Variants in RERE observed in about 807,000 individuals in gnomAD.
RERE encodes arginine-glutamic acid dipeptide repeats protein.
In RERE, 40 loss-of-function variants were observed where a neutral mutation model predicts 146.1. That is an observed-to-expected ratio of 0.27 (90% CI 0.21 to 0.36). The LOEUF is 0.36. Among genes scored for constraint, RERE ranks in the 10% least tolerant of loss-of-function variants. The probability of loss-of-function intolerance (pLI) is 1.00; values close to 1 mark genes in which losing one functional copy is unlikely to be tolerated. For missense variants in RERE, 1,933 were observed against 2,138.7 expected (o/e 0.90, Z 1.90); for synonymous variants, 1,003 against 866.0 (o/e 1.16, Z -2.78).
intron 12 of RERE, among the ~76,000 whole-genome samples, chr1:8,399,741 G>A (rs1314158073): frequency 1.3e-5 from 2 of 151,574 alleles, no homozygotes; most frequent in Non-Finnish European, 2.9e-5. Context: ...TAACATCGGC[G>A]CATCATCTCT....
At chr1:8,544,074 T>C (rs1645830386) in intron 6 of RERE, among the ~76,000 whole-genome samples, 1 of 152,216 alleles carries the variant, frequency 6.6e-6, no homozygotes, top group African/African-American at 2.4e-5. Context: ...TGACACTAGC[T>C]TTACAGACAA....
intron 1 of RERE, among the ~76,000 whole-genome samples, chr1:8,737,249 G>T (rs538943728): frequency 6.6e-6 from 1 of 152,282 alleles, no homozygotes; most frequent in Non-Finnish European, 1.5e-5. Flanking sequence ...ACCAAATTCA[G>T]AAGCTTTAGA....
chr1:8,356,354 G>C lies in RERE; in HGVS notation c.4340-108C>G, dbSNP rs1349656691. The C allele has an allele frequency of 7.8e-7, 1 of 1,282,518 alleles. No homozygotes were observed. The highest frequency in any genetic ancestry group is 3.2e-5 in the East Asian group (1 of 31,708). 79.4% of individuals were successfully genotyped at this position (1,282,518 alleles called of 1,614,324 possible). ...TCCTCCTCACCCAGGATGGCTCCTG[G>C]TCACCAGGGCTGGATGCACCACCTG... On this transcript the variant is annotated intron_variant, in intron 20 of 22. Coordinates refer to ENST00000400908, the MANE Select transcript of RERE (RefSeq NM_001042681.2). The surrounding 1 kb of genome is among the most constrained non-coding windows in gnomAD (Gnocchi z 5.2).
intron 4 of RERE, among the ~76,000 whole-genome samples, chr1:8,604,628 G>A (rs1430734805): frequency 7.5e-6 from 1 of 133,414 alleles, no homozygotes; most frequent in Non-Finnish European, 1.6e-5. Flanking sequence ...GAGGGAGGAA[G>A]GAAGGAAGGA....
In RERE at chr1:8,770,744, T is replaced by C. The variant is rs12025941; in HGVS notation, c.-145+46416A>G. Among the ~76,000 whole-genome samples, 252 of 152,348 alleles carry C rather than the reference T, an allele frequency of 1.7e-3. 6 individuals carry two copies. The East Asian group carries it at 0.04, about 24-fold the overall frequency. On this transcript the variant is annotated intron_variant, in intron 1 of 22. Transcript: ENST00000400908. ...TGGCAATTTCTACTAAAATCTAAAA[T>C]ATGCCTAACTTTTGAATCAGTAACT...
chr1:8,612,467 T>C (rs149504818), intron 4 of RERE, among the ~76,000 whole-genome samples: 3 of 152,348 alleles, frequency 2.0e-5, no homozygotes, highest in African/African-American at 7.2e-5. Flanking sequence ...CTACAGAATC[T>C]CTTACACCTA....
intron 1 of RERE, among the ~76,000 whole-genome samples, chr1:8,672,058 C>G (rs1638731019): frequency 6.6e-6 from 1 of 152,148 alleles, no homozygotes; most frequent in Non-Finnish European, 1.5e-5. Flanking sequence ...AGGATCATCA[C>G]TACAGGCCAG....
chr1:8,795,919 T>C (rs1053858244), intron 1 of RERE, among the ~76,000 whole-genome samples: 1 of 148,262 alleles, frequency 6.7e-6, no homozygotes, highest in African/African-American at 2.5e-5. Flanking sequence ...GAGACAGAGG[T>C]TGTGGTGAGC....
chr1:8,666,492 T>C (rs148359630), intron 1 of RERE, among the ~76,000 whole-genome samples: 19 of 152,356 alleles, frequency 1.2e-4, no homozygotes, highest in African/African-American at 4.3e-4. Context: ...ACCCTACAGC[T>C]GGGCGACTTG....
intron 1 of RERE, among the ~76,000 whole-genome samples, chr1:8,674,353 TA>T (rs202245231): frequency 2.6e-5 from 4 of 152,076 alleles, no homozygotes; most frequent in Non-Finnish European, 5.9e-5. Flanking sequence ...TTTTCAGGAT[TA>T]AAAAAACAAA....
intron 12 of RERE, among the ~76,000 whole-genome samples, chr1:8,382,838 G>A (rs897455854): frequency 1.3e-5 from 2 of 151,996 alleles, no homozygotes; most frequent in Non-Finnish European, 2.9e-5. Flanking sequence ...GGGCTGCCTC[G>A]CCACGAGCTC....
In RERE at chr1:8,557,620, A is replaced by G. The variant is rs1646023024; in HGVS notation, c.523-97T>C. On this transcript the variant is annotated intron_variant, in intron 4 of 22. Transcript: ENST00000400908. ...CAAAAGCCCCTGTAAACGGGTGGAC[A>G]CGTAGATAGGGAGAGACACAATTAC... 1.2e-5 allele frequency: 9 copies of G among 752,844 alleles called. No homozygotes were observed. The Admixed American group carries it at 1.8e-4, about 15-fold the overall frequency. 46.6% of individuals were successfully genotyped at this position (752,844 alleles called of 1,614,324 possible). A position where few individuals can be genotyped will look rare whatever the true frequency, so the allele number is the denominator to read the frequency against.
intron 10 of RERE, among the ~76,000 whole-genome samples, chr1:8,482,681 C>CAAAAAAAAAAAAAAAAAAAAA (rs35501735): frequency 2.0e-5 from 1 of 51,212 alleles, no homozygotes; most frequent in African/African-American, 5.1e-5. Context: ...GATTCTGTTG[C>CAAAAAAAAAAAAAAAAAAAAA]AAAAAAAAAA....
chr1:8,805,008 G>GTTT lies in RERE; in HGVS notation c.-145+12149_-145+12151dup, dbSNP rs1186832596. Among the ~76,000 whole-genome samples the GTTT allele has an allele frequency of 2.5e-3, 197 of 77,820 alleles. 9 individuals carry two copies. Among genetic ancestry groups the GTTT allele is most frequent in the Middle Eastern group, 7.5e-3 (1 of 134 alleles). 51.1% of individuals were successfully genotyped at this position (77,820 alleles called of 152,430 possible). A position where few individuals can be genotyped will look rare whatever the true frequency, so the allele number is the denominator to read the frequency against. ...TTTTTTTTGTTTTGTTTTGTTTTTG[G>GTTT]TTTTTTTTTTTTTTTTTTTTGAGAC... On this transcript the variant is annotated intron_variant, in intron 1 of 22. Transcript: ENST00000400908.
intron 1 of RERE, among the ~76,000 whole-genome samples, chr1:8,677,437 AAAAG>A (rs1311202310): frequency 1.6e-4 from 24 of 151,076 alleles, no homozygotes; most frequent in African/African-American, 1.5e-4. Context: ...AAAAAAAAAA[AAAAG>A]AAAGAAAGAA....
intron 1 of RERE, among the ~76,000 whole-genome samples, chr1:8,700,077 C>T (rs1446310592): frequency 6.6e-6 from 1 of 152,106 alleles, no homozygotes; most frequent in Non-Finnish European, 1.5e-5. Context: ...GAGGCCGAGG[C>T]GAGTGGATCA....
Position 8,508,737 on chromosome 1 carries a change from A to G in RERE, c.831-62T>C, listed in dbSNP as rs1169948386. The G allele has an allele frequency of 2.2e-6, 3 of 1,338,224 alleles. No homozygotes were observed. In the East Asian group the frequency reaches 6.9e-5, roughly 31 times the overall value. 82.9% of individuals were successfully genotyped at this position (1,338,224 alleles called of 1,614,324 possible). The stretch of plus-strand genomic sequence containing the variant: ...ACAGTTTTGACATAAACATTCACAC[A>G]TTTTTCAAAAAAAGTAATTCTCTTC... On this transcript the variant is annotated intron_variant, in intron 7 of 22. Coordinates refer to ENST00000400908, the MANE Select transcript of RERE (RefSeq NM_001042681.2).
intron 12 of RERE, among the ~76,000 whole-genome samples, chr1:8,414,526 A>T (rs921910643): frequency 1.3e-5 from 2 of 152,184 alleles, no homozygotes. Flanking sequence ...ACTGCACTCC[A>T]GCCTGGGCAA....
chr1:8,797,384 A>C (rs891336414), intron 1 of RERE, among the ~76,000 whole-genome samples: 1 of 152,156 alleles, frequency 6.6e-6, no homozygotes, highest in Non-Finnish European at 1.5e-5. Flanking sequence ...CCTAAAAAAA[A>C]AAAAAATCAG....
Sources: gnomAD v4.1 joint callset for allele counts (sites outside exome capture counted in the v4.1 genomes callset) on GRCh38, gnomAD v4.1.1 for gene constraint, Gnocchi (gnomAD v3.1) non-coding constraint, MANE v1.5 for transcripts, NCBI Gene and HGNC (gene_info 2026-07-23, HGNC 2026-07-21) for gene names.